Variants in FHOD3 observed in about 807,000 individuals in gnomAD.
FHOD3 encodes the protein formin homology 2 domain containing 3.
In FHOD3, 90 loss-of-function variants were observed where a neutral mutation model predicts 173.0. The ratio of observed to expected loss-of-function variants is 0.52; its 90% CI spans 0.44 to 0.62. The LOEUF is 0.62. FHOD3 is among the 20% of genes least tolerant of loss of function. FHOD3 has a pLI of 0.00. For synonymous variants in FHOD3, 828 were observed against 823.0 expected (o/e 1.01, Z -0.10); for missense variants, 1,945 against 2,034.7 (o/e 0.96, Z 0.85).
chr18:36,344,736 A>G (rs895398420), intron 1 of FHOD3, among the ~76,000 whole-genome samples: 3 of 152,306 alleles, frequency 2.0e-5, no homozygotes, highest in African/African-American at 7.2e-5. Flanking sequence ...TCTTTGATAT[A>G]TTTTTATTAA....
intron 11 of FHOD3, among the ~76,000 whole-genome samples, chr18:36,651,135 T>C (rs1290735062): frequency 6.6e-6 from 1 of 152,162 alleles, no homozygotes; most frequent in African/African-American, 2.4e-5. Context: ...TTCTGCTTAG[T>C]GTGTGCTCCC....
At chr18:36,682,928 A>G (rs537729787) in intron 15 of FHOD3, among the ~76,000 whole-genome samples, 4 of 152,354 alleles carry the variant, frequency 2.6e-5, no homozygotes, top group African/African-American at 9.6e-5. Context: ...AATTGTAAAA[A>G]TGATCAAAAT....
intron 4 of FHOD3, among the ~76,000 whole-genome samples, chr18:36,502,825 A>G (rs570162437): frequency 6.6e-6 from 1 of 152,168 alleles, no homozygotes; most frequent in Non-Finnish European, 1.5e-5. Flanking sequence ...ATTCACCAAC[A>G]ATATGTGATA....
chr18:36,333,604 G>T (rs1234110827), intron 1 of FHOD3, among the ~76,000 whole-genome samples: 1 of 152,244 alleles, frequency 6.6e-6, no homozygotes, highest in Non-Finnish European at 1.5e-5. Context: ...CTGCAGTGGG[G>T]TGTGGGTGGA....
chr18:36,478,961 A>C (rs1479578010), intron 3 of FHOD3, among the ~76,000 whole-genome samples: 1 of 152,214 alleles, frequency 6.6e-6, no homozygotes, highest in African/African-American at 2.4e-5. Context: ...GAGGATTCTA[A>C]ATATACCTTA....
chr18:36,569,794 A>G (rs1035455648), intron 5 of FHOD3, among the ~76,000 whole-genome samples: 11 of 152,136 alleles, frequency 7.2e-5, no homozygotes, highest in African/African-American at 2.4e-4. Context: ...ATATGTCCAA[A>G]CTCTTAGAAA....
intron 9 of FHOD3, among the ~76,000 whole-genome samples, chr18:36,612,963 T>C (rs1447175701): frequency 6.6e-6 from 1 of 152,204 alleles, no homozygotes; most frequent in Non-Finnish European, 1.5e-5. Context: ...AGCTGCCCTA[T>C]CTTTTCCTTT....
At chr18:36,309,261 C>G (rs796377762) in intron 1 of FHOD3, among the ~76,000 whole-genome samples, 2 of 152,036 alleles carry the variant, frequency 1.3e-5, no homozygotes, top group African/African-American at 4.8e-5. Flanking sequence ...CATGCTGAGC[C>G]GAGGGGAAGA....
chr18:36,669,841 C>T (rs1185766366), intron 14 of FHOD3, among the ~76,000 whole-genome samples: 1 of 151,726 alleles, frequency 6.6e-6, no homozygotes, highest in Non-Finnish European at 1.5e-5. Flanking sequence ...ATTATCTTTT[C>T]TAATTCTTTT....
At chr18:36,658,036 T>C (rs781312651) in intron 13 of FHOD3, 39 bp from the exon 14 acceptor site, 13 of 1,445,580 alleles carry the variant, frequency 9.0e-6, no homozygotes, top group Middle Eastern at 1.7e-4. Flanking sequence ...CTTATTTCTC[T>C]ATCCTTTTCC....
chr18:36,731,136 C>A (rs546362515), intron 20 of FHOD3, among the ~76,000 whole-genome samples: 78 of 152,298 alleles, frequency 5.1e-4, no homozygotes, highest in Non-Finnish European at 9.3e-4. Context: ...GTTTAAAAAA[C>A]CATACCTTTC....
intron 3 of FHOD3, among the ~76,000 whole-genome samples, chr18:36,423,279 G>A (rs1225322003): frequency 6.6e-6 from 1 of 152,110 alleles, no homozygotes; most frequent in Non-Finnish European, 1.5e-5. Context: ...TACAATTTTA[G>A]GATCTCATTG....
intron 3 of FHOD3, among the ~76,000 whole-genome samples, chr18:36,414,606 T>C (rs964860969): frequency 1.3e-5 from 2 of 152,160 alleles, no homozygotes; most frequent in African/African-American, 4.8e-5. Context: ...TGGTGCCAGT[T>C]ATATGCTGGA....
intron 9 of FHOD3, among the ~76,000 whole-genome samples, chr18:36,623,823 G>A (rs2033892659): frequency 6.6e-6 from 1 of 152,194 alleles, no homozygotes; most frequent in Non-Finnish European, 1.5e-5. Context: ...ATACACTCCT[G>A]GTAAACGGTT....
chr18:36,553,354 C>G (rs545510474), intron 5 of FHOD3, among the ~76,000 whole-genome samples: 3 of 152,124 alleles, frequency 2.0e-5, no homozygotes, highest in African/African-American at 7.2e-5. Flanking sequence ...AGGGAGGATT[C>G]CCTCTTTTTC....
At chr18:36,426,554 G>A (rs2147168543) in intron 3 of FHOD3, among the ~76,000 whole-genome samples, 1 of 152,296 alleles carries the variant, frequency 6.6e-6, no homozygotes, top group South Asian at 2.1e-4. Context: ...GCCTTGTGTG[G>A]TGGGCTCCCC....
chr18:36,682,334 C>A (rs1051465501), intron 15 of FHOD3, among the ~76,000 whole-genome samples: 2 of 152,092 alleles, frequency 1.3e-5, no homozygotes, highest in African/African-American at 2.4e-5. Flanking sequence ...TCCTTATATC[C>A]TTTTTCCCTT....
chr18:36,702,433 C>CT (rs1247930280), intron 17 of FHOD3, among the ~76,000 whole-genome samples: 6 of 152,196 alleles, frequency 3.9e-5, no homozygotes, highest in Non-Finnish European at 8.8e-5. Context: ...AAGTTGTAAG[C>CT]TTTTTTCTCT....
At chr18:36,512,774 C>A (rs138755860) in intron 5 of FHOD3, among the ~76,000 whole-genome samples, 2 of 152,254 alleles carry the variant, frequency 1.3e-5, no homozygotes, top group East Asian at 3.9e-4. Flanking sequence ...TTATTTTACA[C>A]GCTTACTAGG....
Sources: gnomAD v4.1 joint callset for allele counts (sites outside exome capture counted in the v4.1 genomes callset) on GRCh38, gnomAD v4.1.1 for gene constraint, MANE v1.5 for transcripts, NCBI Gene and HGNC (gene_info 2026-07-23, HGNC 2026-07-21) for gene names.